The following FRMD4A variants were observed in gnomAD, a reference collection of about 807,000 sequenced individuals.
FRMD4A encodes the protein FERM domain containing 4A.
A neutral mutation model predicts 129.1 loss-of-function variants in FRMD4A; 29 were observed. That is an observed-to-expected ratio of 0.22 (90% CI 0.17 to 0.31). FRMD4A has a LOEUF of 0.31. FRMD4A is among the 10% of genes least tolerant of loss of function. The probability of loss-of-function intolerance (pLI) is 1.00; values close to 1 mark genes in which losing one functional copy is unlikely to be tolerated. For missense variants in FRMD4A, 1,272 were observed against 1,375.8 expected (o/e 0.92, Z 1.19); for synonymous variants, 634 against 571.6 (o/e 1.11, Z -1.56).
intron 2 of FRMD4A, among the ~76,000 whole-genome samples, chr10:14,057,604 C>A (rs528318582): frequency 9.3e-5 from 14 of 151,114 alleles, no homozygotes; most frequent in Non-Finnish European, 1.6e-4. Context: ...GAGATTCACA[C>A]TTGTTGCCCA....
chr10:13,705,357 CAT>C (rs1457587292), intron 13 of FRMD4A, among the ~76,000 whole-genome samples: 1 of 152,174 alleles, frequency 6.6e-6, no homozygotes, highest in Admixed American at 6.5e-5. Flanking sequence ...CACGAACACA[CAT>C]GTGCAGATAT....
rs112903682 is a variant in FRMD4A at position 14,259,785 on chromosome 10, A to G, written c.45+70273T>C. 2.6e-3 allele frequency among the ~76,000 whole-genome samples: 393 copies of G among 152,260 alleles called. 1 individual carries two copies. Among genetic ancestry groups the G allele is most frequent in the Middle Eastern group, 0.01 (3 of 294 alleles). ...TATTTTTCCATGCAGGGTAAGGGAC[A>G]CGGCTCATTGTCATCATGGAATCCT... On this transcript the variant is annotated intron_variant, in intron 2 of 24. Coordinates refer to ENST00000357447, the MANE Select transcript of FRMD4A (RefSeq NM_018027.5).
intron 2 of FRMD4A, among the ~76,000 whole-genome samples, chr10:14,050,641 C>T (rs1414500748): frequency 1.3e-5 from 2 of 151,982 alleles, no homozygotes; most frequent in Non-Finnish European, 2.9e-5. Context: ...CCCTGACCTC[C>T]AGGGAGGGCA....
At chr10:14,239,820 T>A (rs561029881) in intron 2 of FRMD4A, among the ~76,000 whole-genome samples, 5 of 152,230 alleles carry the variant, frequency 3.3e-5, no homozygotes, top group Admixed American at 1.3e-4. Flanking sequence ...TCTGAGTGAG[T>A]GTTTGCTCAG....
chr10:13,874,891 T>C (rs1306784789), intron 2 of FRMD4A, among the ~76,000 whole-genome samples: 2 of 152,226 alleles, frequency 1.3e-5, no homozygotes, highest in East Asian at 1.9e-4. Flanking sequence ...AAGGAACTTC[T>C]ATGTTCTGTA....
At chr10:14,309,371 G>A (rs1373287013) in intron 2 of FRMD4A, among the ~76,000 whole-genome samples, 4 of 152,048 alleles carry the variant, frequency 2.6e-5, no homozygotes, top group African/African-American at 9.7e-5. Flanking sequence ...AATCGCTTGA[G>A]CCAAGGAGGT....
chr10:14,015,388 C>T (rs1051612953), intron 2 of FRMD4A, among the ~76,000 whole-genome samples: 1 of 149,722 alleles, frequency 6.7e-6, no homozygotes, highest in Non-Finnish European at 1.5e-5. Context: ...TTTTCTCTTC[C>T]CCTCCCCTCG....
chr10:14,240,304 T>C (rs1207334306), intron 2 of FRMD4A, among the ~76,000 whole-genome samples: 1 of 152,190 alleles, frequency 6.6e-6, no homozygotes, highest in African/African-American at 2.4e-5. Context: ...TTATGATTTC[T>C]CAGACTTTCC....
intron 2 of FRMD4A, among the ~76,000 whole-genome samples, chr10:13,993,001 A>G (rs911938095): frequency 1.3e-5 from 2 of 151,774 alleles, no homozygotes; most frequent in Non-Finnish European, 2.9e-5. Flanking sequence ...AAGAGATTAA[A>G]GTAATGACTA....
At chr10:14,141,740 G>T (rs772014690) in intron 2 of FRMD4A, among the ~76,000 whole-genome samples, 1 of 152,158 alleles carries the variant, frequency 6.6e-6, no homozygotes, top group Admixed American at 6.5e-5. Flanking sequence ...CCTGGTGGTT[G>T]CTTCCACTTT....
At chr10:14,141,204 A>G (rs1202901637) in intron 2 of FRMD4A, among the ~76,000 whole-genome samples, 2 of 152,158 alleles carry the variant, frequency 1.3e-5, no homozygotes, top group Non-Finnish European at 2.9e-5. Flanking sequence ...GGGCCTTCGA[A>G]GTCTCCACTC....
In FRMD4A at chr10:14,137,336, C is replaced by T. The variant is rs118117285; in HGVS notation, c.45+192722G>A. 4.7e-3 allele frequency among the ~76,000 whole-genome samples: 723 copies of T among 152,334 alleles called. 6 individuals carry two copies. Among genetic ancestry groups the T allele is most frequent in the Admixed American group, 8.5e-3 (130 of 15,304 alleles). On this transcript the variant is annotated intron_variant, in intron 2 of 24. Transcript: ENST00000357447. ...ACACAAGCACATAGAGCTATTTGAT[C>T]TGTGCTTTTAATTCTGCCTGGCAAT...
At chr10:13,763,940 C>A (rs1242450406) in intron 6 of FRMD4A, among the ~76,000 whole-genome samples, 1 of 152,054 alleles carries the variant, frequency 6.6e-6, no homozygotes, top group Non-Finnish European at 1.5e-5. Flanking sequence ...CCAGGTTGGC[C>A]AGGCTGGTCT....
chr10:13,990,769 C>T (rs375942396), intron 2 of FRMD4A, among the ~76,000 whole-genome samples: 12 of 152,210 alleles, frequency 7.9e-5, no homozygotes, highest in African/African-American at 2.9e-4. Context: ...CCAGAATCCG[C>T]ATTTGGGAAT....
At chr10:13,966,310 G>A (rs2095485001) in intron 2 of FRMD4A, among the ~76,000 whole-genome samples, 1 of 152,116 alleles carries the variant, frequency 6.6e-6, no homozygotes, top group South Asian at 2.1e-4. Context: ...AATTTTTAAT[G>A]ATTTTCCTTT....
At chr10:13,972,205 G>T (rs886845534) in intron 2 of FRMD4A, 13 of 1,017,120 alleles carry the variant, frequency 1.3e-5, no homozygotes, top group Admixed American at 5.1e-5. Context: ...ACCGAGTGTT[G>T]GGATCCCCTC....
In FRMD4A at chr10:13,657,013, C is replaced by A; in HGVS notation, c.2576G>T (p.Gly859Val). 1 of 1,568,068 alleles carries A rather than the reference C, an allele frequency of 6.4e-7. No individual in the cohort carries two copies. Among genetic ancestry groups the A allele is most frequent in the South Asian group, 1.1e-5 (1 of 88,210 alleles). Reference sequence around the variant, plus strand: ...GAACTGAGCCTTGACGCTGTAGTGGCCCTCCTGGTCGCTCTCCAGGCTGCG... The same window carrying A: ...GAACTGAGCCTTGACGCTGTAGTGGACCTCCTGGTCGCTCTCCAGGCTGCG... ...VVRSLESDQE[G>V]HYSVKAQFKT... Residue 859 changes from glycine (G) to valine (V), a missense_variant, in exon 22 of 25, where the codon GGC becomes GTC. Physicochemically the swap from Gly to Val is moderately radical, Grantham distance 109 (BLOSUM62 -3). Around this residue, in one of 2 missense-constraint regions of FRMD4A, gnomAD observed 972 missense variants for 892.3 expected, o/e 1.09. Transcript: ENST00000357447.
intron 2 of FRMD4A, chr10:14,008,630 T>C (rs2095670804): frequency 3.2e-6 from 1 of 311,798 alleles, no homozygotes; most frequent in Non-Finnish European, 4.7e-6. Context: ...GTAGGTCACA[T>C]GCTCACCTTA....
chr10:14,188,409 T>G (rs1457892305), intron 2 of FRMD4A, among the ~76,000 whole-genome samples: 1 of 152,212 alleles, frequency 6.6e-6, no homozygotes, highest in African/African-American at 2.4e-5. Context: ...GCTCTTCACT[T>G]TGGCTTTTAG....
Sources: gnomAD v4.1 joint callset for allele counts (sites outside exome capture counted in the v4.1 genomes callset) on GRCh38, gnomAD v4.1.1 for gene constraint, gnomAD v4.1.1 regional missense constraint, MANE v1.5 for transcripts, NCBI Gene and HGNC (gene_info 2026-07-23, HGNC 2026-07-21) for gene names.